The following FGGY variants were observed in gnomAD, a reference collection of about 807,000 sequenced individuals.
The protein encoded by FGGY is FGGY carbohydrate kinase domain containing, also known as FGGY carbohydrate kinase domain-containing protein.
A neutral mutation model predicts 71.3 loss-of-function variants in FGGY; 72 were observed. That is an observed-to-expected ratio of 1.01 (90% CI 0.84 to 1.23). FGGY has a LOEUF of 1.23. Ranked by LOEUF, FGGY falls within the 50% of genes most tolerant of loss-of-function variation. FGGY has a pLI of 0.00. For missense variants in FGGY, 668 were observed against 682.3 expected, an observed-to-expected ratio of 0.98 and a Z score of 0.23; for synonymous variants, 251 against 250.3, an observed-to-expected ratio of 1.00 and a Z score of -0.02.
intron 7 of FGGY, among the ~76,000 whole-genome samples, chr1:59,552,144 G>C (rs1456422275): frequency 6.6e-6 from 1 of 152,190 alleles, no homozygotes; most frequent in African/African-American, 2.4e-5. Flanking sequence ...GGGGACACCA[G>C]CCGATGCTGG....
At chr1:59,540,934 TC>T (rs1447851945) in intron 7 of FGGY, among the ~76,000 whole-genome samples, 1 of 152,206 alleles carries the variant, frequency 6.6e-6, no homozygotes, top group African/African-American at 2.4e-5. Context: ...TAAATTCTAC[TC>T]CCACCTTGCT....
chr1:59,432,245 G>T (rs2067527408), intron 5 of FGGY, among the ~76,000 whole-genome samples: 1 of 152,100 alleles, frequency 6.6e-6, no homozygotes, highest in Admixed American at 6.5e-5. Context: ...TTGTCTGGCT[G>T]TTCATTTGTA....
intron 5 of FGGY, among the ~76,000 whole-genome samples, chr1:59,429,338 G>A (rs3990483): frequency 0.62 from 94,089 of 151,864 alleles, 29,218 homozygotes; most frequent in Middle Eastern, 0.67. Flanking sequence ...AGAGATCTTC[G>A]GAGGACAAGT....
intron 6 of FGGY, among the ~76,000 whole-genome samples, chr1:59,497,503 G>A (rs1279801384): frequency 6.6e-6 from 1 of 152,186 alleles, no homozygotes; most frequent in Non-Finnish European, 1.5e-5. Context: ...CAGGAGAATA[G>A]TTTGAAGCCA....
intron 14 of FGGY, among the ~76,000 whole-genome samples, chr1:59,708,135 A>G (rs2097769096): frequency 5.3e-5 from 8 of 152,164 alleles, no homozygotes; most frequent in Admixed American, 3.9e-4. Flanking sequence ...TGCAGCCAAT[A>G]CAGGGACAAA....
intron 1 of FGGY, among the ~76,000 whole-genome samples, chr1:59,298,225 C>CTGT (rs538783510): frequency 2.4e-4 from 37 of 152,248 alleles, no homozygotes; most frequent in Non-Finnish European, 4.9e-4. Flanking sequence ...TGGGAGTCTC[C>CTGT]TGTTAATGGG....
intron 6 of FGGY, among the ~76,000 whole-genome samples, chr1:59,466,319 T>C (rs2092624418): frequency 6.6e-6 from 1 of 152,188 alleles, no homozygotes; most frequent in Non-Finnish European, 1.5e-5. Flanking sequence ...AAGCTGAAAC[T>C]GGATCCCTTC....
chr1:59,329,731 C>T (rs1254019457), intron 2 of FGGY, among the ~76,000 whole-genome samples: 1 of 152,230 alleles, frequency 6.6e-6, no homozygotes, highest in African/African-American at 2.4e-5. Flanking sequence ...TATCTAACTC[C>T]TGTTCATCCT....
rs1006039703 is a variant in FGGY, at chr1:59,667,167, A to C, written c.1297-116A>C. On this transcript the variant is annotated intron_variant, in intron 12 of 15. Coordinates refer to ENST00000303721, the MANE Select transcript of FGGY (RefSeq NM_018291.5). Reference sequence around the variant, plus strand: ...AATCTCTGTGAGTCTCAGCTTTCTGAGATAGTGTATGTAGAGCTTAGTACA... The same window carrying C: ...AATCTCTGTGAGTCTCAGCTTTCTGCGATAGTGTATGTAGAGCTTAGTACA... 1.0e-5 allele frequency: 13 copies of C among 1,268,766 alleles called. No homozygotes were observed. In the African/African-American group the frequency reaches 1.9e-4, roughly 19 times the overall value. 78.6% of individuals were successfully genotyped at this position (1,268,766 alleles called of 1,614,324 possible).
chr1:59,638,234 G>A lies in FGGY; in HGVS notation c.1080G>A (p.Gln360=), dbSNP rs748341298. 1.9e-6 allele frequency: 3 copies of A among 1,613,192 alleles called. No individual in the cohort carries two copies. The highest frequency in any genetic ancestry group is 2.5e-6 in the Non-Finnish European group (3 of 1,179,634). ...AAATTCACTTCTCTTCCAGATGCCAGAGTATATATGCATATTTGAACAGTC... is the reference window on the plus strand; with the variant it reads ...AAATTCACTTCTCTTCCAGATGCCAAAGTATATATGCATATTTGAACAGTC... The part of the protein sequence containing the change: ...ELQVKATARC[Q]SIYAYLNSHL... Residue 360 remains glutamine (Q), a synonymous_variant, in exon 11 of 16, where the codon CAG becomes CAA. Transcript: ENST00000303721.
intron 7 of FGGY, among the ~76,000 whole-genome samples, chr1:59,536,542 A>C (rs979292280): frequency 6.6e-5 from 10 of 152,182 alleles, no homozygotes; most frequent in Non-Finnish European, 7.4e-5. Context: ...AGAATTTTAG[A>C]CCAATATCCT....
At position 59,757,922 on chromosome 1, in the gene FGGY, A is replaced by G; in HGVS notation, c.1513-9A>G. The G allele has an allele frequency of 1.2e-6, 2 of 1,611,162 alleles. No homozygotes were observed. The highest frequency in any genetic ancestry group is 1.7e-6 in the Non-Finnish European group (2 of 1,177,806). On this transcript the variant is annotated splice_polypyrimidine_tract_variant and intron_variant, in intron 14 of 15. Transcript: ENST00000303721. ...AACTCAGCTGTCTATGTTGTTTTCC[A>G]TTTAATAGGAAGCAATGGCAAAAAT... is the stretch of plus-strand genomic sequence containing the variant.
intron 5 of FGGY, among the ~76,000 whole-genome samples, chr1:59,419,827 A>G (rs1197554451): frequency 6.8e-6 from 1 of 146,104 alleles, no homozygotes; most frequent in African/African-American, 2.4e-5. Context: ...TTATGTGTCA[A>G]TGGATTTTTT....
intron 6 of FGGY, among the ~76,000 whole-genome samples, chr1:59,462,189 G>T (rs957096790): frequency 1.3e-5 from 2 of 152,064 alleles, no homozygotes; most frequent in Admixed American, 1.3e-4. Context: ...ACAAACCTGA[G>T]AAAAACAAGA....
intron 2 of FGGY, among the ~76,000 whole-genome samples, chr1:59,334,889 A>G (rs1056466352): frequency 2.0e-5 from 3 of 152,220 alleles, no homozygotes; most frequent in African/African-American, 7.2e-5. Context: ...TAAATCTATT[A>G]TTCTACAACT....
intron 7 of FGGY, among the ~76,000 whole-genome samples, chr1:59,543,823 G>T (rs557579869): frequency 5.3e-5 from 8 of 152,140 alleles, no homozygotes; most frequent in African/African-American, 1.9e-4. Context: ...GGATTATCTG[G>T]GGTGCTGATT....
intron 13 of FGGY, among the ~76,000 whole-genome samples, 165 bp downstream of exon 13, chr1:59,667,568 G>A (rs186794531): frequency 6.7e-4 from 102 of 152,254 alleles, no homozygotes; most frequent in African/African-American, 2.3e-3. Flanking sequence ...CTTCTATGAC[G>A]TCTTTATATG....
intron 5 of FGGY, among the ~76,000 whole-genome samples, chr1:59,403,018 G>A (rs981021051): frequency 9.9e-5 from 15 of 152,218 alleles, no homozygotes; most frequent in African/African-American, 3.4e-4. Flanking sequence ...AGACTGTCAC[G>A]TGTGAGTCTA....
At chr1:59,588,946 C>G (rs887885295) in intron 8 of FGGY, among the ~76,000 whole-genome samples, 3 of 152,138 alleles carry the variant, frequency 2.0e-5, no homozygotes, top group African/African-American at 2.4e-5. Flanking sequence ...ACAATATTAA[C>G]TTTAAATGTA....
Sources: allele counts gnomAD v4.1 joint callset (sites outside exome capture counted in the v4.1 genomes callset), GRCh38; gene constraint gnomAD v4.1.1; transcripts MANE v1.5; gene names NCBI Gene and HGNC (gene_info 2026-07-23, HGNC 2026-07-21).